The following PRDM10 variants were observed in gnomAD, a reference collection of about 807,000 sequenced individuals.
PRDM10 encodes the protein PR/SET domain 10, also known as PR domain zinc finger protein 10.
A neutral mutation model predicts 133.1 loss-of-function variants in PRDM10; 65 were observed. The ratio of observed to expected loss-of-function variants is 0.49; its 90% CI spans 0.40 to 0.60. The LOEUF is 0.60. Among genes scored for constraint, PRDM10 ranks in the 20% least tolerant of loss-of-function variants. PRDM10 has a pLI of 0.00. For synonymous variants in PRDM10, 582 were observed against 580.4 expected, an observed-to-expected ratio of 1.00 and a Z score of -0.04; for missense variants, 1,137 against 1,507.1, an observed-to-expected ratio of 0.75 and a Z score of 4.07.
In PRDM10 at chr11:129,957,726, A is replaced by C; in HGVS notation, c.234+20T>G. On this transcript the variant is annotated intron_variant, in intron 3 of 20. Transcript: ENST00000360871. ...TAATTAGTTAATTGACAAATTATCAACAGATAACCCTTCACATGCCTGTGC... is the reference window on the plus strand; with the variant it reads ...TAATTAGTTAATTGACAAATTATCACCAGATAACCCTTCACATGCCTGTGC... 6.3e-7 allele frequency: 1 copy of C among 1,594,018 alleles called. No homozygotes were observed. The highest frequency in any genetic ancestry group is 8.5e-7 in the Non-Finnish European group (1 of 1,169,838).
At chr11:129,919,143 G>C (rs934714339) in intron 13 of PRDM10, among the ~76,000 whole-genome samples, 3 of 152,136 alleles carry the variant, frequency 2.0e-5, no homozygotes, top group African/African-American at 7.2e-5. Context: ...GGCCGACAAG[G>C]GCGGATCACC....
At chr11:129,972,175 G>A (rs573375316) in intron 1 of PRDM10, among the ~76,000 whole-genome samples, 37 of 152,234 alleles carry the variant, frequency 2.4e-4, no homozygotes, top group African/African-American at 8.2e-4. Flanking sequence ...AGCGCCGCGC[G>A]CAGCCCCGGT....
At chr11:129,916,566 C>A (rs113658715) in intron 15 of PRDM10, among the ~76,000 whole-genome samples, 1 of 152,088 alleles carries the variant, frequency 6.6e-6, no homozygotes, top group African/African-American at 2.4e-5. Context: ...TGAACCCAGG[C>A]GGAAGTTGCA....
chr11:129,969,604 GC>G (rs1951974616), intron 1 of PRDM10, among the ~76,000 whole-genome samples: 1 of 149,804 alleles, frequency 6.7e-6, no homozygotes, highest in Non-Finnish European at 1.5e-5. Context: ...GACCAGCCTG[GC>G]CAACATAGTG....
chr11:129,994,402 G>A (rs981496293), intron 1 of PRDM10, among the ~76,000 whole-genome samples: 23 of 148,954 alleles, frequency 1.5e-4, no homozygotes, highest in African/African-American at 5.6e-4. Context: ...GAAGGCAGAG[G>A]TTGCAGTGAG....
At chr11:129,992,297 A>T (rs184584007) in intron 1 of PRDM10, among the ~76,000 whole-genome samples, 48 of 152,362 alleles carry the variant, frequency 3.2e-4, no homozygotes, top group African/African-American at 1.1e-3. Context: ...AACAGTAATA[A>T]TTATAGCTAC....
intron 6 of PRDM10, among the ~76,000 whole-genome samples, chr11:129,942,991 A>T (rs1021395158): frequency 6.6e-6 from 1 of 152,218 alleles, no homozygotes; most frequent in Non-Finnish European, 1.5e-5. Flanking sequence ...GCATTCATTT[A>T]TAATAGGCAG....
intron 20 of PRDM10, among the ~76,000 whole-genome samples, chr11:129,902,942 T>C (rs533203434): frequency 6.8e-4 from 103 of 152,236 alleles, no homozygotes; most frequent in African/African-American, 2.5e-3. Context: ...TGAAGACAGG[T>C]AGTCAAGTCA....
chr11:129,993,622 C>A (rs11221925), intron 1 of PRDM10, among the ~76,000 whole-genome samples: 1 of 152,046 alleles, frequency 6.6e-6, no homozygotes, highest in Non-Finnish European at 1.5e-5. Flanking sequence ...GTAGCTGGAA[C>A]TACAGGCACC....
chr11:129,915,698 C>T lies in PRDM10; in HGVS notation c.2488G>A (p.Val830Ile), dbSNP rs1178066984. Residue 830 changes from valine (V) to isoleucine (I), a missense_variant, in exon 16 of 21, where the codon GTC becomes ATC. By Grantham distance (29) the Val-to-Ile change is conservative. This residue lies in a region of PRDM10 where 65 missense variants were observed against 151.1 expected (regional missense o/e 0.43). Transcript: ENST00000360871. ...QLTGTIATPPVCCPHCSKQYS... is the reference protein window; with the variant it reads ...QLTGTIATPPICCPHCSKQYS... ...TGCTTGGAGCAGTGGGGACAGCAGA[C>T]GGGAGGGGTGGCGATGGTGCCCGTC... 1.1e-5 allele frequency: 17 copies of T among 1,613,448 alleles called. No homozygotes were observed. The highest frequency in any genetic ancestry group is 3.3e-5 in the Admixed American group (2 of 59,944).
intron 1 of PRDM10, among the ~76,000 whole-genome samples, chr11:129,973,638 T>C (rs1273240961): frequency 6.6e-6 from 1 of 152,142 alleles, no homozygotes; most frequent in East Asian, 1.9e-4. Context: ...ATGTCGGTGA[T>C]TTAAAAAAGC....
intron 4 of PRDM10, among the ~76,000 whole-genome samples, chr11:129,949,715 G>A (rs1951529946): frequency 6.6e-6 from 1 of 152,124 alleles, no homozygotes; most frequent in Non-Finnish European, 1.5e-5. Context: ...CAGATCACCT[G>A]AGGTCAGGAG....
chr11:129,921,847 C>T (rs575841031), intron 13 of PRDM10, among the ~76,000 whole-genome samples: 1 of 152,244 alleles, frequency 6.6e-6, no homozygotes, highest in Non-Finnish European at 1.5e-5. Context: ...CAGCCACCAG[C>T]TGTCTTCCTG....
chr11:129,985,793 AAAAAAAAAAAAAAAAAATATAT>A (rs1938381220), intron 1 of PRDM10, among the ~76,000 whole-genome samples: 1 of 121,192 alleles, frequency 8.3e-6, no homozygotes, highest in African/African-American at 3.9e-5. Flanking sequence ...AAAAAAAAAA[AAAAAAAAAAAAAAAAAATATAT>A]ATATATATAT....
intron 9 of PRDM10, among the ~76,000 whole-genome samples, chr11:129,934,273 G>C (rs191365082): frequency 6.6e-6 from 1 of 152,318 alleles, no homozygotes; most frequent in Admixed American, 6.5e-5. Flanking sequence ...TGAACCCCAA[G>C]TGGGCATTTA....
At chr11:129,912,361 T>C (rs1950212243) in intron 17 of PRDM10, 136 bp from the exon 18 acceptor site, 1 of 984,384 alleles carries the variant, frequency 1.0e-6, no homozygotes, top group East Asian at 3.1e-5. Flanking sequence ...ACCCAGCAGT[T>C]TGGGAGGCCA....
intron 17 of PRDM10, 59 bp from the exon 18 acceptor site, chr11:129,912,284 A>G: frequency 7.2e-7 from 1 of 1,388,938 alleles, no homozygotes. Flanking sequence ...GTTAAGGGAA[A>G]TCCTTCCAGA....
chr11:129,924,965 A>G lies in PRDM10; in HGVS notation c.1795T>C (p.Leu599=), dbSNP rs539998436. ...CPESFDRLDL[L]KDHVAIHIND... ...ATATGAATGGCCACATGATCTTTCA[A>G]CAAATCAAGGCGGTCAAAGGATTCT... Residue 599 remains leucine (L), a synonymous_variant, in exon 12 of 21, where the codon TTG becomes CTG. Transcript: ENST00000360871. 2 of 1,614,218 alleles carry G rather than the reference A, an allele frequency of 1.2e-6. No individual in the cohort carries two copies. The highest frequency in any genetic ancestry group is 1.3e-5 in the African/African-American group (1 of 75,062).
chr11:129,957,993 C>T (rs957202079), intron 2 of PRDM10, 83 bp from the exon 3 acceptor site: 8 of 1,447,494 alleles, frequency 5.5e-6, no homozygotes, highest in African/African-American at 1.4e-5. Flanking sequence ...CTAAAAGATC[C>T]CCAATGACAG....
Sources: gnomAD v4.1 joint callset for allele counts (sites outside exome capture counted in the v4.1 genomes callset) on GRCh38, gnomAD v4.1.1 for gene constraint, gnomAD v4.1.1 regional missense constraint, MANE v1.5 for transcripts, NCBI Gene and HGNC (gene_info 2026-07-23, HGNC 2026-07-21) for gene names.